Variants in ATP11A observed in about 807,000 individuals in gnomAD.
The protein encoded by ATP11A is ATPase phospholipid transporting 11A.
Under a neutral mutation model 154.4 loss-of-function variants are expected in ATP11A, and 81 were observed. The observed-to-expected ratio is 0.52, with a 90% CI of 0.44 to 0.63. The LOEUF (loss-of-function observed/expected upper bound fraction) is 0.63. Among genes scored for constraint, ATP11A ranks in the 30% least tolerant of loss-of-function variants. ATP11A has a pLI of 0.00. For missense variants in ATP11A, 1,316 were observed against 1,474.3 expected, an observed-to-expected ratio of 0.89 and a Z score of 1.76; for synonymous variants, 623 against 585.9, an observed-to-expected ratio of 1.06 and a Z score of -0.91.
Position 112,701,492 on chromosome 13 carries a change from C to G in ATP11A, c.39+11037C>G, listed in dbSNP as rs996999707. Among the ~76,000 whole-genome samples, 7 of 152,196 alleles carry G rather than the reference C, an allele frequency of 4.6e-5. 1 individual carries two copies. The South Asian group carries it at 1.4e-3, about 32-fold the overall frequency. On this transcript the variant is annotated intron_variant, in intron 1 of 29. Transcript: ENST00000375645. ...TTGAAGGAAGTGCCCAGAGGAAGAT[C>G]TGGTCCACAGTGGGTATTCAGCACA...
intron 1 of ATP11A, among the ~76,000 whole-genome samples, chr13:112,760,713 T>C (rs1305503512): frequency 1.3e-5 from 2 of 152,242 alleles, no homozygotes; most frequent in African/African-American, 4.8e-5. Context: ...TATGTAAATA[T>C]AGTTACCAGC....
At chr13:112,866,266 T>C (rs1199472828) in intron 25 of ATP11A, among the ~76,000 whole-genome samples, 1 of 152,220 alleles carries the variant, frequency 6.6e-6, no homozygotes, top group Non-Finnish European at 1.5e-5. Flanking sequence ...AATTCCTGTG[T>C]GCTTTGTCGG....
chr13:112,854,108 C>G (rs2079852998), intron 18 of ATP11A, among the ~76,000 whole-genome samples, 171 bp from the exon 19 acceptor site: 1 of 152,212 alleles, frequency 6.6e-6, no homozygotes, highest in South Asian at 2.1e-4. Context: ...TTCAGACCTT[C>G]AGAAGCTGCT....
At chr13:112,844,109 A>G (rs967130801) in intron 17 of ATP11A, among the ~76,000 whole-genome samples, 8 of 152,100 alleles carry the variant, frequency 5.3e-5, no homozygotes, top group African/African-American at 1.2e-4. Context: ...TCGCTTTCCA[A>G]TAGCGCGAGG....
Position 112,859,604 on chromosome 13 carries a change from G to A in ATP11A, c.2727+152G>A. 1.4e-6 allele frequency: 1 copy of A among 700,740 alleles called. No homozygotes were observed. The allele number at this position is 700,740 out of a possible 1,614,324, so 43.4% of individuals were successfully genotyped here. On this transcript the variant is annotated intron_variant, in intron 23 of 29. Transcript: ENST00000375645. This position sits in a 1 kb window ranked among gnomAD's most constrained non-coding sequence, Gnocchi z 4.3. The stretch of plus-strand genomic sequence containing the variant: ...TGCCCAGCAGCAGGCGGGGGTGAAG[G>A]GTCGGGCCTGGGGAGGGGGGCCACG...
intron 1 of ATP11A, among the ~76,000 whole-genome samples, chr13:112,765,457 C>T (rs946347376): frequency 2.6e-5 from 4 of 152,250 alleles, no homozygotes; most frequent in African/African-American, 4.8e-5. Flanking sequence ...GATTCGGCCC[C>T]GTTTCCTTGT....
At chr13:112,840,525 C>A (rs1376911312) in intron 16 of ATP11A, among the ~76,000 whole-genome samples, 3 of 106,712 alleles carry the variant, frequency 2.8e-5, no homozygotes, top group African/African-American at 1.1e-4. Flanking sequence ...CTCATCCCCC[C>A]CCAGCCTCAG....
intron 2 of ATP11A, among the ~76,000 whole-genome samples, chr13:112,798,153 CG>C (rs1232785642): frequency 6.6e-6 from 1 of 152,188 alleles, no homozygotes; most frequent in Admixed American, 6.5e-5. Context: ...GCCCGCATGG[CG>C]GAATCAGAAC....
At chr13:112,710,580 G>C (rs1215507913) in intron 1 of ATP11A, among the ~76,000 whole-genome samples, 1 of 152,220 alleles carries the variant, frequency 6.6e-6, no homozygotes, top group African/African-American at 2.4e-5. Flanking sequence ...GGAGGCCTCT[G>C]TGGTGGCCAA....
chr13:112,874,473 T>C (rs932008633), intron 27 of ATP11A, among the ~76,000 whole-genome samples: 1 of 152,114 alleles, frequency 6.6e-6, no homozygotes, highest in Non-Finnish European at 1.5e-5. Flanking sequence ...AGACTGTCGC[T>C]GTAAGCCAGG....
intron 25 of ATP11A, 118 bp from the exon 26 acceptor site, chr13:112,871,617 T>C: frequency 1.1e-6 from 1 of 915,814 alleles, no homozygotes; most frequent in Middle Eastern, 2.3e-4. Context: ...CTTATATCTT[T>C]GGGGTTTGAA....
At chr13:112,695,376 C>T (rs901202200) in intron 1 of ATP11A, among the ~76,000 whole-genome samples, 1 of 152,232 alleles carries the variant, frequency 6.6e-6, no homozygotes, top group South Asian at 2.1e-4. Flanking sequence ...ACCAAGCACC[C>T]TTCTTGTCTT....
intron 27 of ATP11A, among the ~76,000 whole-genome samples, chr13:112,874,419 G>C (rs542188897): frequency 7.9e-4 from 120 of 152,334 alleles, no homozygotes; most frequent in African/African-American, 2.8e-3. Context: ...CGGTGGCTGC[G>C]TGTTGAGCTG....
At position 112,753,762 on chromosome 13, in the gene ATP11A, T is replaced by TA. The variant is rs5806960; in HGVS notation, c.40-31365dup. Among the ~76,000 whole-genome samples the TA allele has an allele frequency of 8.8e-4, 134 of 151,876 alleles. 1 individual carries two copies. The highest frequency in any genetic ancestry group is 1.7e-3 in the Admixed American group (26 of 15,252). On this transcript the variant is annotated intron_variant, in intron 1 of 29. Coordinates refer to ENST00000375645, the MANE Select transcript of ATP11A (RefSeq NM_015205.3). The surrounding 1 kb of genome is among the most constrained non-coding windows in gnomAD (Gnocchi z 4.1). The stretch of plus-strand genomic sequence containing the variant: ...TAATGGAGCAATAAAGTGAGTCACA[T>TA]AAAAAAAATAATGGAGACAGTGATT...
Position 112,881,870 on chromosome 13 carries a change from C to G in ATP11A, c.*10-6C>G. The G allele has an allele frequency of 7.3e-7, 1 of 1,367,814 alleles. No homozygotes were observed. Among genetic ancestry groups the G allele is most frequent in the Non-Finnish European group, 9.8e-7 (1 of 1,021,996 alleles). The allele number at this position is 1,367,814 out of a possible 1,614,324, so 84.7% of individuals were successfully genotyped here. A position where few individuals can be genotyped will look rare whatever the true frequency, so the allele number is the denominator to read the frequency against. The stretch of plus-strand genomic sequence containing the variant: ...CTCAGAATTCACCCCTCTTGCCTCT[C>G]TGCAGAGCCCAGGCTACCAGAGCAC... On this transcript the variant is annotated splice_polypyrimidine_tract_variant and splice_region_variant and intron_variant, in intron 29 of 29. Coordinates refer to ENST00000375645, the MANE Select transcript of ATP11A (RefSeq NM_015205.3).
In ATP11A at chr13:112,743,002, A is replaced by G. The variant is rs538330574; in HGVS notation, c.40-42133A>G. Reference sequence around the variant, plus strand: ...TGTGAATCTAGTTAGGTTTCTAAGCATCAGTAGCACAGTGTATGACAGCAC... The same window carrying G: ...TGTGAATCTAGTTAGGTTTCTAAGCGTCAGTAGCACAGTGTATGACAGCAC... On this transcript the variant is annotated intron_variant, in intron 1 of 29. Coordinates refer to ENST00000375645, the MANE Select transcript of ATP11A (RefSeq NM_015205.3). Among the ~76,000 whole-genome samples the G allele has an allele frequency of 5.1e-4, 77 of 152,348 alleles. 1 individual carries two copies. Among genetic ancestry groups the G allele is most frequent in the South Asian group, 8.3e-4 (4 of 4,830 alleles).
chr13:112,816,010 AGCG>A, intron 5 of ATP11A, 70 bp from the exon 6 acceptor site: 1 of 1,593,334 alleles, frequency 6.3e-7, no homozygotes, highest in East Asian at 2.2e-5. Flanking sequence ...GCTTGAGGGA[AGCG>A]GTCCCACAGG....
At chr13:112,864,667 G>A (rs371319391) in intron 25 of ATP11A, among the ~76,000 whole-genome samples, 186 of 15,908 alleles carry the variant, frequency 0.012, 1 homozygote, top group Middle Eastern at 0.077. Flanking sequence ...AATTCAGTGC[G>A]GCCCATGCAG....
In ATP11A at chr13:112,831,910, CCAGA is replaced by C. The variant is rs561607810; in HGVS notation, c.1395+365_1395+368del. Among the ~76,000 whole-genome samples the C allele has an allele frequency of 2.1e-4, 31 of 146,252 alleles. 1 individual carries two copies. In the South Asian group the frequency reaches 2.6e-3, roughly 12 times the overall value. On this transcript the variant is annotated intron_variant, in intron 13 of 29. Coordinates refer to ENST00000375645, the MANE Select transcript of ATP11A (RefSeq NM_015205.3). ...TGCAGACACACGCACTCACACATGC[CCAGA>C]CACTGTGTGCACACACAGACACACA...
Sources: allele counts gnomAD v4.1 joint callset (sites outside exome capture counted in the v4.1 genomes callset), GRCh38; gene constraint gnomAD v4.1.1; non-coding constraint Gnocchi (gnomAD v3.1); transcripts MANE v1.5; gene names NCBI Gene and HGNC (gene_info 2026-07-23, HGNC 2026-07-21).